Variants in USP39 observed in about 807,000 individuals in gnomAD.
USP39 encodes ubiquitin carboxyl-terminal hydrolase 39.
Under a neutral mutation model 66.4 loss-of-function variants are expected in USP39, and 38 were observed. The observed-to-expected ratio is 0.57, with a 90% CI of 0.44 to 0.75. USP39 has a LOEUF of 0.75. Ranked by LOEUF, USP39 falls within the 30% of genes least tolerant of loss-of-function variation. The pLI is 0.00. For missense variants in USP39, 608 were observed against 714.4 expected, an observed-to-expected ratio of 0.85 and a Z score of 1.70; for synonymous variants, 303 against 274.6, an observed-to-expected ratio of 1.10 and a Z score of -1.02.
chr2:85,639,134 CATCG>C (rs1247486671), intron 8 of USP39, 65 bp from the exon 9 acceptor site: 1 of 1,434,588 alleles, frequency 7.0e-7, no homozygotes, highest in Non-Finnish European at 9.3e-7. Context: ...CGTGGTAAAA[CATCG>C]GTTCTGTGTT....
At chr2:85,616,171 C>T, upstream of USP39, 1 of 1,401,538 alleles carries the variant, frequency 7.1e-7, no homozygotes, top group Non-Finnish European at 9.3e-7. Context: ...GGCGCCTGCG[C>T]TGGACGACTC....
At chr2:85,631,178 C>G (rs1675302138) in intron 6 of USP39, among the ~76,000 whole-genome samples, 1 of 152,020 alleles carries the variant, frequency 6.6e-6, no homozygotes, top group Non-Finnish European at 1.5e-5. Flanking sequence ...CCACGCCCGG[C>G]TAATTTTTGT....
intron 1 of USP39, 34 bp downstream of exon 1, chr2:85,616,497 C>G (rs1469721215): frequency 2.1e-6 from 3 of 1,396,710 alleles, no homozygotes; most frequent in East Asian, 2.8e-5. Context: ...GGCGCGAGAG[C>G]CTGTTTTTTT....
In USP39 at chr2:85,621,641, A is replaced by T. The variant is rs531140785; in HGVS notation, c.433+62A>T. The T allele has an allele frequency of 6.0e-5, 72 of 1,193,232 alleles. No homozygotes were observed. In the East Asian group the frequency reaches 1.6e-3, roughly 26 times the overall value. The allele number at this position is 1,193,232 out of a possible 1,614,324, so 73.9% of individuals were successfully genotyped here. On this transcript the variant is annotated intron_variant, in intron 3 of 12. Coordinates refer to ENST00000323701, the MANE Select transcript of USP39 (RefSeq NM_006590.4). Reference sequence around the variant, plus strand: ...CAGAGGGACTTTTTTTTTTTTTTTAAAGAAAGTAAGCTGTTCTCAGGAATC... The same window carrying T: ...CAGAGGGACTTTTTTTTTTTTTTTATAGAAAGTAAGCTGTTCTCAGGAATC...
intron 1 of USP39, among the ~76,000 whole-genome samples, chr2:85,604,844 C>T (rs1673160990): frequency 6.6e-6 from 1 of 152,168 alleles, no homozygotes; most frequent in Non-Finnish European, 1.5e-5. Context: ...AAGATGAAGG[C>T]CTGAGAGGAC....
intron 1 of USP39, 41 bp downstream of exon 1, chr2:85,616,504 T>C: frequency 1.4e-6 from 2 of 1,410,172 alleles, no homozygotes; most frequent in South Asian, 1.6e-5. Flanking sequence ...GAGCCTGTTT[T>C]TTTCGCGTCC....
upstream of USP39, chr2:85,609,182 C>T: frequency 7.1e-7 from 1 of 1,412,224 alleles, no homozygotes; most frequent in Non-Finnish European, 9.6e-7. Flanking sequence ...TTTGCCAGCA[C>T]CTGTCATTTC....
At chr2:85,647,824 C>A in intron 11 of USP39, 106 bp from the exon 12 acceptor site, 2 of 910,508 alleles carry the variant, frequency 2.2e-6, no homozygotes, top group Non-Finnish European at 3.4e-6. Flanking sequence ...TGGATGATGT[C>A]TAGTGGCTGT....
At chr2:85,629,290 A>T (rs536856229) in intron 5 of USP39, among the ~76,000 whole-genome samples, 1 of 151,846 alleles carries the variant, frequency 6.6e-6, no homozygotes, top group South Asian at 2.1e-4. Context: ...TGGACTCCTG[A>T]CCTCAAGTGA....
At chr2:85,611,333 A>C, upstream of USP39, 3 of 1,435,562 alleles carry the variant, frequency 2.1e-6, no homozygotes, top group South Asian at 4.5e-5. Context: ...TCATTCCGCA[A>C]TTATGTGCTG....
upstream of USP39, chr2:85,611,938 C>T: frequency 6.3e-7 from 1 of 1,585,598 alleles, no homozygotes; most frequent in Non-Finnish European, 8.5e-7. Context: ...CAGCCGCCCC[C>T]CAGGCTTGCA....
chr2:85,641,033 C>T lies in USP39; in HGVS notation c.1342C>T (p.Pro448Ser). 1 of 1,613,880 alleles carries T rather than the reference C, an allele frequency of 6.2e-7. No individual in the cohort carries two copies. The highest frequency in any genetic ancestry group is 8.5e-7 in the Non-Finnish European group (1 of 1,179,930). Residue 448 changes from proline (P) to serine (S), a missense_variant, in exon 10 of 13, where the codon CCA becomes TCA. By Grantham distance (74) the Pro-to-Ser change is moderately conservative (BLOSUM62 -1). This residue lies in a region of USP39 where 164 missense variants were observed against 250.3 expected (regional missense o/e 0.66). Coordinates refer to ENST00000323701, the MANE Select transcript of USP39 (RefSeq NM_006590.4). ...LKRFQLTKLP[P>S]YLIFCIKRFT... ...GCGCTTCCAGCTTACCAAGTTGCCT[C>T]CATATCTAATCTTTTGTATCAAGAG...
intron 1 of USP39, among the ~76,000 whole-genome samples, chr2:85,618,561 CA>C (rs759260772): frequency 0.014 from 822 of 57,256 alleles, 5 homozygotes; most frequent in African/African-American, 0.046. Context: ...GACTCCGTCT[CA>C]AAAAAAAAAA....
At chr2:85,637,577 G>C (rs1012120427) in intron 8 of USP39, 141 bp downstream of exon 8, 7 of 838,590 alleles carry the variant, frequency 8.3e-6, no homozygotes, top group South Asian at 4.6e-5. Flanking sequence ...TGGCAGCTCT[G>C]CCTGGTCCCT....
intron 4 of USP39, among the ~76,000 whole-genome samples, chr2:85,625,208 G>T (rs934066451): frequency 1.3e-5 from 2 of 152,148 alleles, no homozygotes; most frequent in African/African-American, 4.8e-5. Context: ...CTCCCAGGAG[G>T]TTCTATCTGA....
At chr2:85,628,531 A>C (rs548876045) in intron 5 of USP39, among the ~76,000 whole-genome samples, 4 of 152,182 alleles carry the variant, frequency 2.6e-5, no homozygotes, top group African/African-American at 7.2e-5. Flanking sequence ...TTTAGATCGC[A>C]TAGGAAGTTC....
At chr2:85,646,883 C>CTTTTTT (rs773751290) in intron 11 of USP39, among the ~76,000 whole-genome samples, 4 of 108,506 alleles carry the variant, frequency 3.7e-5, no homozygotes, top group Non-Finnish European at 5.6e-5. Flanking sequence ...TGACCTGTTG[C>CTTTTTT]TTTTTTTTTT....
upstream of USP39, chr2:85,612,195 C>A (rs1229607681): frequency 9.4e-6 from 10 of 1,061,460 alleles, no homozygotes; most frequent in Middle Eastern, 2.2e-4. Flanking sequence ...TTCCACCCCC[C>A]GGACGGAGGG....
At position 85,648,998 on chromosome 2, in the gene USP39, T is replaced by C; in HGVS notation, c.*190T>C. The C allele has an allele frequency of 1.5e-6, 1 of 664,788 alleles. No homozygotes were observed. Among genetic ancestry groups the C allele is most frequent in the South Asian group, 1.9e-5 (1 of 52,874 alleles). The allele number at this position is 664,788 out of a possible 1,614,324, so 41.2% of individuals were successfully genotyped here. A position where few individuals can be genotyped will look rare whatever the true frequency, so the allele number is the denominator to read the frequency against. On this transcript the variant is annotated 3_prime_UTR_variant, in exon 13 of 13. Coordinates refer to ENST00000323701, the MANE Select transcript of USP39 (RefSeq NM_006590.4). Reference sequence around the variant, plus strand: ...GCCCCACACTGTCACTCAGCTGTTCTTTGATCATTTTTTTCTAGATTGATG... The same window carrying C: ...GCCCCACACTGTCACTCAGCTGTTCCTTGATCATTTTTTTCTAGATTGATG...
Sources: allele counts gnomAD v4.1 joint callset (sites outside exome capture counted in the v4.1 genomes callset), GRCh38; gene constraint gnomAD v4.1.1; regional missense constraint gnomAD v4.1.1; transcripts MANE v1.5; gene names NCBI Gene and HGNC (gene_info 2026-07-23, HGNC 2026-07-21).